The following PID1 variants were observed in gnomAD, a reference collection of about 807,000 sequenced individuals.
The protein encoded by PID1 is PTB-containing, cubilin and LRP1-interacting protein.
In PID1, 10 loss-of-function variants were observed where a neutral mutation model predicts 19.1. The observed-to-expected ratio is 0.52, with a 90% CI of 0.32 to 0.89. The LOEUF (loss-of-function observed/expected upper bound fraction) is 0.89. Among genes scored for constraint, PID1 ranks in the 40% least tolerant of loss-of-function variants. The pLI is 0.03. For missense variants in PID1, 248 were observed against 285.3 expected (o/e 0.87, Z 0.94); for synonymous variants, 130 against 116.0 (o/e 1.12, Z -0.78).
intron 2 of PID1, among the ~76,000 whole-genome samples, chr2:229,151,756 G>C (rs1012097942): frequency 6.6e-6 from 1 of 152,064 alleles, no homozygotes; most frequent in Non-Finnish European, 1.5e-5. Flanking sequence ...ATTTTTAGTA[G>C]AGATGGGTTT....
At chr2:229,222,138 T>C (rs1691983335) in intron 1 of PID1, among the ~76,000 whole-genome samples, 1 of 152,210 alleles carries the variant, frequency 6.6e-6, no homozygotes, top group African/African-American at 2.4e-5. Flanking sequence ...TCAAACTCTT[T>C]AGGATGGCAT....
chr2:229,092,101 A>C (rs1694888287), intron 2 of PID1, among the ~76,000 whole-genome samples: 1 of 112,206 alleles, frequency 8.9e-6, no homozygotes, highest in Non-Finnish European at 1.7e-5. Flanking sequence ...TGCCTACTGC[A>C]TTTACACACA....
At chr2:229,176,201 T>G (rs1308342428) in intron 1 of PID1, among the ~76,000 whole-genome samples, 1 of 151,100 alleles carries the variant, frequency 6.6e-6, no homozygotes, top group Non-Finnish European at 1.5e-5. Flanking sequence ...GATTAGCAAA[T>G]TGAATTATAA....
chr2:229,114,531 ACT>A (rs1204704588), intron 2 of PID1, among the ~76,000 whole-genome samples: 1 of 151,960 alleles, frequency 6.6e-6, no homozygotes, highest in Admixed American at 6.6e-5. Context: ...CAATTGGGGT[ACT>A]CTCTACCTTG....
At chr2:229,119,082 C>A (rs971668592) in intron 2 of PID1, among the ~76,000 whole-genome samples, 10 of 152,300 alleles carry the variant, frequency 6.6e-5, no homozygotes, top group African/African-American at 2.2e-4. Context: ...AGGGTTTCAG[C>A]TACTAAAGAA....
chr2:229,049,953 A>G (rs1282565819), intron 2 of PID1, among the ~76,000 whole-genome samples: 1 of 152,218 alleles, frequency 6.6e-6, no homozygotes, highest in Non-Finnish European at 1.5e-5. Flanking sequence ...AAGTATTTAT[A>G]TATACACATT....
chr2:229,122,208 C>G (rs1024202967), intron 2 of PID1, among the ~76,000 whole-genome samples: 2 of 152,164 alleles, frequency 1.3e-5, no homozygotes, highest in Non-Finnish European at 2.9e-5. Context: ...TAGTTCAGGT[C>G]TCTTTTGTAA....
At chr2:229,239,614 A>T (rs1209899916) in intron 1 of PID1, among the ~76,000 whole-genome samples, 2 of 152,044 alleles carry the variant, frequency 1.3e-5, no homozygotes, top group African/African-American at 4.8e-5. Flanking sequence ...TTCACAATAA[A>T]CCTTTTAAAT....
At chr2:229,172,411 G>A (rs1235658835) in intron 1 of PID1, among the ~76,000 whole-genome samples, 3 of 152,148 alleles carry the variant, frequency 2.0e-5, no homozygotes, top group Non-Finnish European at 2.9e-5. Context: ...TCTTTTTGAC[G>A]GCTCCAGGAG....
At chr2:229,049,754 T>G (rs147435468) in intron 2 of PID1, among the ~76,000 whole-genome samples, 5 of 152,308 alleles carry the variant, frequency 3.3e-5, no homozygotes, top group African/African-American at 9.6e-5. Flanking sequence ...TTATGCTGTT[T>G]TGAAATTCAA....
intron 2 of PID1, among the ~76,000 whole-genome samples, chr2:229,152,089 T>A (rs550230923): frequency 1.4e-4 from 22 of 152,214 alleles, no homozygotes; most frequent in Admixed American, 1.4e-3. Context: ...CCAAATCCCA[T>A]TTTCCATCCC....
chr2:229,155,775 G>T, intron 2 of PID1, 43 bp downstream of exon 2: 1 of 1,548,892 alleles, frequency 6.5e-7, no homozygotes, highest in African/African-American at 1.4e-5. Context: ...CATCTTTGAG[G>T]CTATCTCACC....
In PID1 at chr2:229,211,608, C is replaced by G. The variant is rs190431651; in HGVS notation, c.31-55644G>C. ...TATACTCTGCCATTAGCCAAAAAAGCACCACATTCTCTTTTTAATGTACAT... is the reference window on the plus strand; with the variant it reads ...TATACTCTGCCATTAGCCAAAAAAGGACCACATTCTCTTTTTAATGTACAT... On this transcript the variant is annotated intron_variant, in intron 1 of 2. Coordinates refer to ENST00000392055, the MANE Select transcript of PID1 (RefSeq NM_001100818.2). Among the ~76,000 whole-genome samples the G allele has an allele frequency of 2.0e-5, 3 of 152,292 alleles. No individual in the cohort carries two copies. In the East Asian group the frequency reaches 5.8e-4, roughly 29 times the overall value.
At chr2:229,148,310 G>A (rs1690177437) in intron 2 of PID1, among the ~76,000 whole-genome samples, 1 of 152,160 alleles carries the variant, frequency 6.6e-6, no homozygotes, top group Non-Finnish European at 1.5e-5. Flanking sequence ...TTCCGCGCTA[G>A]GTACACTAGC....
At chr2:229,184,377 T>C (rs1182067806) in intron 1 of PID1, among the ~76,000 whole-genome samples, 1 of 128,420 alleles carries the variant, frequency 7.8e-6, no homozygotes, top group African/African-American at 3.0e-5. Flanking sequence ...ATCCCATATA[T>C]ATCTATCCCG....
At chr2:229,262,595 G>A (rs1233018329) in intron 1 of PID1, 2 of 1,485,618 alleles carry the variant, frequency 1.3e-6, no homozygotes, top group Admixed American at 4.7e-5. Context: ...AGGCTATATG[G>A]TTTCACTGGT....
intron 1 of PID1, chr2:229,236,758 C>T (rs1226990): frequency 0.95 from 144,712 of 152,350 alleles, 69,156 homozygotes; most frequent in East Asian, 1. Context: ...ATGTGGAAGA[C>T]GATGGGTTAC....
At chr2:229,052,026 T>C (rs1694006199) in intron 2 of PID1, among the ~76,000 whole-genome samples, 1 of 152,218 alleles carries the variant, frequency 6.6e-6, no homozygotes, top group African/African-American at 2.4e-5. Context: ...GCTCTGGGGC[T>C]GACAGACACT....
At chr2:229,075,893 A>G (rs1694547723) in intron 2 of PID1, among the ~76,000 whole-genome samples, 1 of 152,032 alleles carries the variant, frequency 6.6e-6, no homozygotes, top group Non-Finnish European at 1.5e-5. Context: ...TTAAATCAGA[A>G]TCTCTTCTTC....
Sources: gnomAD v4.1 joint callset for allele counts (sites outside exome capture counted in the v4.1 genomes callset) on GRCh38, gnomAD v4.1.1 for gene constraint, MANE v1.5 for transcripts, NCBI Gene and HGNC (gene_info 2026-07-23, HGNC 2026-07-21) for gene names.